The following TMEM74 variants were observed in gnomAD, a reference collection of about 807,000 sequenced individuals.
TMEM74 encodes the protein transmembrane protein 74.
In TMEM74, 13 loss-of-function variants were observed where a neutral mutation model predicts 18.1. The observed-to-expected ratio is 0.72, with a 90% CI of 0.47 to 1.14. The LOEUF (loss-of-function observed/expected upper bound fraction) is 1.14, where lower values mean the gene tolerates loss of function less well. TMEM74 is among the 50% of genes most tolerant of loss of function. TMEM74 has a pLI of 0.00. For synonymous variants in TMEM74, 159 were observed against 146.6 expected (o/e 1.08, Z -0.61); for missense variants, 372 against 375.9 (o/e 0.99, Z 0.09).
chr8:108,674,703 G>A (rs114782028), intron 1 of TMEM74, among the ~76,000 whole-genome samples: 1 of 152,180 alleles, frequency 6.6e-6, no homozygotes, highest in East Asian at 1.9e-4. Context: ...ACTTGTAGTT[G>A]TGTGAACTGA....
intron 2 of TMEM74, among the ~76,000 whole-genome samples, chr8:108,628,887 T>C (rs1020433058): frequency 1.2e-4 from 18 of 152,134 alleles, no homozygotes; most frequent in African/African-American, 1.9e-4. Context: ...TGACCAGTGA[T>C]GGTGAGATTT....
chr8:108,625,249 G>A (rs1043463562), intron 2 of TMEM74, among the ~76,000 whole-genome samples: 1 of 152,066 alleles, frequency 6.6e-6, no homozygotes, highest in Non-Finnish European at 1.5e-5. Context: ...AACCACACAT[G>A]TGAAAGGGTA....
At position 108,760,973 on chromosome 8, in the gene TMEM74, A is replaced by AGTGTGTGT. The variant is rs60213902; in HGVS notation, n.119+26495_119+26502dup. 5.7e-3 allele frequency among the ~76,000 whole-genome samples: 842 copies of AGTGTGTGT among 148,978 alleles called. 7 individuals carry two copies. The highest frequency in any genetic ancestry group is 0.018 in the African/African-American group (739 of 40,584). ...CGGGGTTCTTTTTAAGTGGTTTTGG[A>AGTGTGTGT]GTGTGTGTGTGTGTGTGTGTGTGTT... On this transcript the variant is annotated intron_variant and non_coding_transcript_variant, in intron 1 of 3. Coordinates refer to the TMEM74 transcript ENST00000518838.
Position 108,784,132 on chromosome 8 carries a change from T to G in TMEM74, c.*49A>C, listed in dbSNP as rs1441915263. 6.9e-7 allele frequency: 1 copy of G among 1,446,720 alleles called. No individual in the cohort carries two copies. The highest frequency in any genetic ancestry group is 1.5e-5 in the South Asian group (1 of 68,370). The allele number at this position is 1,446,720 out of a possible 1,614,324, so 89.6% of individuals were successfully genotyped here. A position where few individuals can be genotyped will look rare whatever the true frequency, so the allele number is the denominator to read the frequency against. ...GTGAATTTTTATAAATTAACTTTTT[T>G]CATATTATAAAATGCCAAGGCAGAC... On this transcript the variant is annotated 3_prime_UTR_variant, in exon 2 of 2. Transcript: ENST00000297459.
intron 1 of TMEM74, among the ~76,000 whole-genome samples, chr8:108,722,744 T>C (rs1268908397): frequency 7.4e-6 from 1 of 134,362 alleles, no homozygotes; most frequent in African/African-American, 3.8e-5. Flanking sequence ...TAAGCTGTAT[T>C]TTTTTTTTAA....
chr8:108,623,449 G>C (rs1022025946), intron 2 of TMEM74, among the ~76,000 whole-genome samples: 2 of 151,982 alleles, frequency 1.3e-5, no homozygotes, highest in African/African-American at 4.8e-5. Context: ...CTTCATTGCT[G>C]GTCTCCAGTA....
intron 1 of TMEM74, among the ~76,000 whole-genome samples, chr8:108,762,199 C>G (rs1264223852): frequency 1.3e-5 from 2 of 152,092 alleles, no homozygotes; most frequent in African/African-American, 4.8e-5. Flanking sequence ...CTCCATTTCT[C>G]CAATTGCACC....
chr8:108,694,436 C>T (rs558077139), intron 1 of TMEM74, among the ~76,000 whole-genome samples: 136 of 152,262 alleles, frequency 8.9e-4, no homozygotes, highest in African/African-American at 3.1e-3. Flanking sequence ...CAAAAGGTCA[C>T]ATATTGTATA....
At chr8:108,624,458 T>C (rs1812473592) in intron 2 of TMEM74, among the ~76,000 whole-genome samples, 4 of 152,084 alleles carry the variant, frequency 2.6e-5, no homozygotes. Flanking sequence ...CAGTTGTCTG[T>C]AGAACACCTC....
intron 1 of TMEM74, among the ~76,000 whole-genome samples, chr8:108,754,074 T>G (rs1355990384): frequency 1.3e-5 from 2 of 152,120 alleles, no homozygotes; most frequent in African/African-American, 4.8e-5. Flanking sequence ...GCTTATACAT[T>G]GGGAACCTCT....
At position 108,783,267 on chromosome 8, in the gene TMEM74, T is replaced by C. The variant is rs1385860810; in HGVS notation, c.*914A>G. ...CAAACAGCAATAACAAGATGTTACC[T>C]GGAAGCACACCAGAGCCAATCATGA... On this transcript the variant is annotated 3_prime_UTR_variant, in exon 2 of 2. Transcript: ENST00000297459. Among the ~76,000 whole-genome samples, 1 of 152,184 alleles carries C rather than the reference T, an allele frequency of 6.6e-6. No individual in the cohort carries two copies. The highest frequency in any genetic ancestry group is 1.5e-5 in the Non-Finnish European group (1 of 68,038).
At chr8:108,620,962 C>A (rs1439583224) in intron 2 of TMEM74, among the ~76,000 whole-genome samples, 1 of 152,144 alleles carries the variant, frequency 6.6e-6, no homozygotes, top group Non-Finnish European at 1.5e-5. Flanking sequence ...GAAGCCTTTT[C>A]TCATGCCACT....
chr8:108,745,394 A>G (rs1237005017), intron 1 of TMEM74, among the ~76,000 whole-genome samples: 1 of 152,122 alleles, frequency 6.6e-6, no homozygotes, highest in Non-Finnish European at 1.5e-5. Context: ...ACTTATGAAC[A>G]CTAGCATTTT....
At chr8:108,710,353 T>A (rs916130432) in intron 1 of TMEM74, among the ~76,000 whole-genome samples, 1 of 152,232 alleles carries the variant, frequency 6.6e-6, no homozygotes, top group Admixed American at 6.5e-5. Context: ...GTATCACTGA[T>A]GAACTGTGCC....
intron 1 of TMEM74, among the ~76,000 whole-genome samples, chr8:108,674,796 G>T (rs953407136): frequency 5.3e-5 from 8 of 152,310 alleles, no homozygotes; most frequent in African/African-American, 7.2e-5. Context: ...ATTGTCCTCC[G>T]TAGAGTTGTG....
intron 1 of TMEM74, among the ~76,000 whole-genome samples, chr8:108,692,488 C>G (rs955863024): frequency 6.6e-6 from 1 of 152,076 alleles, no homozygotes; most frequent in East Asian, 1.9e-4. Context: ...ATTCTTTTTG[C>G]TATTTCTGGA....
intron 2 of TMEM74, among the ~76,000 whole-genome samples, chr8:108,648,405 G>T (rs1195771756): frequency 1.3e-5 from 2 of 152,144 alleles, no homozygotes. Flanking sequence ...GTAGGTAAGA[G>T]AAGCTGTCTG....
chr8:108,637,129 A>G (rs1260745730), intron 2 of TMEM74, among the ~76,000 whole-genome samples: 1 of 152,092 alleles, frequency 6.6e-6, no homozygotes, highest in Non-Finnish European at 1.5e-5. Context: ...ATATTCTCTA[A>G]TTTGAGGGTT....
intron 1 of TMEM74, among the ~76,000 whole-genome samples, chr8:108,728,650 A>G (rs980008529): frequency 6.6e-6 from 1 of 152,304 alleles, no homozygotes; most frequent in Admixed American, 6.5e-5. Context: ...GGTCACATAT[A>G]TGATTAGTGT....
Sources: gnomAD v4.1 joint callset for allele counts (sites outside exome capture counted in the v4.1 genomes callset) on GRCh38, gnomAD v4.1.1 for gene constraint, MANE v1.5 for transcripts, NCBI Gene and HGNC (gene_info 2026-07-23, HGNC 2026-07-21) for gene names.